The following HSPG2 variants were observed in gnomAD, a reference collection of about 807,000 sequenced individuals.
HSPG2 encodes the protein heparan sulfate proteoglycan 2, also known as basement membrane-specific heparan sulfate proteoglycan core protein.
Under a neutral mutation model 526.6 loss-of-function variants are expected in HSPG2, and 278 were observed. That is an observed-to-expected ratio of 0.53 (90% CI 0.48 to 0.58). HSPG2 has a LOEUF of 0.58. Ranked by LOEUF, HSPG2 falls within the 20% of genes least tolerant of loss-of-function variation. The pLI is 0.00. For synonymous variants in HSPG2, 2,465 were observed against 2,555.4 expected (o/e 0.96, Z 1.07); for missense variants, 5,354 against 6,099.5 (o/e 0.88, Z 4.07).
Position 21,850,471 on chromosome 1 carries a change from G to A in HSPG2, c.7186C>T (p.Gln2396Ter). ...QTHGSLLRLY[Q>*]ASPADSGEYV... ...TCGCCCGAGTCGGCGGGGGACGCTT[G>A]GTAGAGTCTCAGCAGGGAGCCGTGG... Residue 2396 changes from glutamine (Q) to a stop codon, truncating the protein, a stop_gained, in exon 56 of 97, where the codon CAA (glutamine) becomes TAA (stop). Coordinates refer to ENST00000374695, the MANE Select transcript of HSPG2 (RefSeq NM_005529.7). LOFTEE classifies it high-confidence loss of function. The A allele has an allele frequency of 6.2e-7, 1 of 1,612,010 alleles. No homozygotes were observed. Among genetic ancestry groups the A allele is most frequent in the Non-Finnish European group, 8.5e-7 (1 of 1,179,340 alleles).
At chr1:21,908,754 C>T (rs1021691265) in intron 1 of HSPG2, among the ~76,000 whole-genome samples, 2 of 152,128 alleles carry the variant, frequency 1.3e-5, no homozygotes, top group Non-Finnish European at 2.9e-5. Context: ...AGAGCACTGA[C>T]ACTCTAAAAC....
chr1:21,837,136 A>G (rs1405939004), intron 74 of HSPG2, 130 bp from the exon 75 acceptor site: 2 of 838,936 alleles, frequency 2.4e-6, no homozygotes, highest in East Asian at 2.7e-5. Context: ...TGACCAGGGA[A>G]AAAAGACCGT....
At chr1:21,875,603 G>A (rs1640996443) in intron 25 of HSPG2, 26 bp downstream of exon 25, 2 of 1,568,266 alleles carry the variant, frequency 1.3e-6, no homozygotes, top group African/African-American at 2.7e-5. Context: ...AGCCCATGCT[G>A]GTCCTCCTGC....
intron 1 of HSPG2, among the ~76,000 whole-genome samples, chr1:21,918,467 TAA>T (rs36108181): frequency 2.9e-4 from 31 of 108,098 alleles, no homozygotes; most frequent in Admixed American, 3.6e-4. Flanking sequence ...TCTGTGGGAA[TAA>T]AAAAAAAAAA....
rs1643489857 is a variant in HSPG2 at position 21,908,335 on chromosome 1, G to A, written c.64-12025C>T. 5.7e-6 allele frequency: 6 copies of A among 1,046,330 alleles called. No homozygotes were observed. The Admixed American group carries it at 8.5e-5, about 15-fold the overall frequency. The allele number at this position is 1,046,330 out of a possible 1,614,324, so 64.8% of individuals were successfully genotyped here. The stretch of plus-strand genomic sequence containing the variant: ...TGCTAGCATTGTTGTAAACAAACAA[G>A]TTAAGGGCAAGATTCTTGCCAAGAG... On this transcript the variant is annotated intron_variant, in intron 1 of 96. Transcript: ENST00000374695.
chr1:21,885,599 C>A (rs551026448), intron 9 of HSPG2, 148 bp from the exon 10 acceptor site: 12 of 905,602 alleles, frequency 1.3e-5, no homozygotes, highest in Middle Eastern at 3.2e-4. Flanking sequence ...CAACTCACAG[C>A]CAGCATGATG....
intron 2 of HSPG2, 50 bp downstream of exon 2, chr1:21,896,123 GCA>G: frequency 6.2e-7 from 1 of 1,612,374 alleles, no homozygotes; most frequent in Non-Finnish European, 8.5e-7. Context: ...GTGGGAAGAA[GCA>G]CAGTCTCACC....
At chr1:21,908,189 T>C (rs1392630644) in intron 1 of HSPG2, 1 of 852,208 alleles carries the variant, frequency 1.2e-6, no homozygotes, top group African/African-American at 1.6e-5. Flanking sequence ...GCCACGTATA[T>C]GCGAATCTAT....
At chr1:21,851,992 C>G in intron 53 of HSPG2, 66 bp from the exon 54 acceptor site, 2 of 1,609,502 alleles carry the variant, frequency 1.2e-6, no homozygotes, top group Non-Finnish European at 1.7e-6. Flanking sequence ...CCACCGCTGT[C>G]CCCCCGATCT....
Position 21,824,331 on chromosome 1 carries a change from G to A in HSPG2, c.12790C>T (p.Leu4264Phe). Residue 4264 changes from leucine to phenylalanine, a missense_variant, in exon 94 of 97, where the codon CTT (leucine) becomes TTT (phenylalanine). Leu to Phe is a conservative substitution (Grantham distance 22). Coordinates refer to ENST00000374695, the MANE Select transcript of HSPG2 (RefSeq NM_005529.7). The surrounding 1 kb of genome is among the most constrained non-coding windows in gnomAD (Gnocchi z 5.9). The part of the protein sequence containing the change: ...GQGKDFISLG[L>F]QDGHLVFRYQ... ...CTGAAGACAAGGTGCCCGTCTTGAA[G>A]CCCGAGGCTGATGAAGTCCTTGCCT... 1.2e-6 allele frequency: 2 copies of A among 1,613,930 alleles called. No individual in the cohort carries two copies. Among genetic ancestry groups the A allele is most frequent in the Non-Finnish European group, 1.7e-6 (2 of 1,180,030 alleles).
intron 71 of HSPG2, 53 bp from the exon 72 acceptor site, chr1:21,840,070 G>T: frequency 6.7e-7 from 1 of 1,489,998 alleles, no homozygotes; most frequent in Non-Finnish European, 9.4e-7. Flanking sequence ...GGACGCTGAT[G>T]TCAGCCCCAG....
chr1:21,841,597 G>A lies in HSPG2; in HGVS notation c.9270C>T (p.Arg3090=). Residue 3090 remains arginine, a synonymous_variant, in exon 70 of 97, where the codon CGC becomes CGT. Transcript: ENST00000374695. ...GTRPSNHGTY[R]CVASNAYGVA... ...CACCGTAGGCATTGGAGGCCACGCA[G>A]CGGTAGGTACCGTGGTTGCTGGGCC... The A allele has an allele frequency of 6.2e-7, 1 of 1,614,206 alleles. No individual in the cohort carries two copies.
intron 85 of HSPG2, chr1:21,830,394 A>C: frequency 4.7e-5 from 20 of 422,544 alleles, no homozygotes; most frequent in East Asian, 1.9e-4. Context: ...GGGTAATAAG[A>C]TGGGACTGGG....
In HSPG2 at chr1:21,824,410, A is replaced by C. The variant is rs1476035487; in HGVS notation, c.12745-34T>G. The C allele has an allele frequency of 6.2e-7, 1 of 1,611,892 alleles. No individual in the cohort carries two copies. The highest frequency in any genetic ancestry group is 8.5e-7 in the Non-Finnish European group (1 of 1,178,536). Reference sequence around the variant, plus strand: ...GAAGCACAGGGTCTCTGGGGTCCCCAGCCTGGAGAGCAGAGGCTGCCGAGG... The same window carrying C: ...GAAGCACAGGGTCTCTGGGGTCCCCCGCCTGGAGAGCAGAGGCTGCCGAGG... On this transcript the variant is annotated intron_variant, in intron 93 of 96. Transcript: ENST00000374695. The surrounding 1 kb of genome is among the most constrained non-coding windows in gnomAD (Gnocchi z 5.9).
chr1:21,870,795 C>T (rs1308188556), intron 33 of HSPG2: 19 of 985,174 alleles, frequency 1.9e-5, no homozygotes, highest in Non-Finnish European at 2.2e-5. Context: ...CACCACGCCC[C>T]ACCACACCAA....
At chr1:21,896,462 G>A (rs1347633551) in intron 1 of HSPG2, 152 bp from the exon 2 acceptor site, 1 of 946,602 alleles carries the variant, frequency 1.1e-6, no homozygotes, top group Non-Finnish European at 1.7e-6. Context: ...GCCAGGCTGG[G>A]GCTGAACCCT....
At chr1:21,921,119 T>A (rs1569611783) in intron 1 of HSPG2, among the ~76,000 whole-genome samples, 1 of 152,214 alleles carries the variant, frequency 6.6e-6, no homozygotes, top group Admixed American at 6.5e-5. Context: ...AGTGGCTCGC[T>A]GCCATTGCAA....
chr1:21,843,472 G>A (rs1213620098), intron 65 of HSPG2, 34 bp from the exon 66 acceptor site: 2 of 1,594,144 alleles, frequency 1.3e-6, no homozygotes, highest in Non-Finnish European at 1.7e-6. Flanking sequence ...GGGAGGGTGA[G>A]CTGGGAGCCT....
At chr1:21,878,533 C>T (rs370653681) in intron 19 of HSPG2, 42 bp from the exon 20 acceptor site, 9 of 1,613,734 alleles carry the variant, frequency 5.6e-6, no homozygotes, top group Non-Finnish European at 7.6e-6. Flanking sequence ...TCCATGACCC[C>T]ACCCAGGAGC....
Sources: allele counts gnomAD v4.1 joint callset (sites outside exome capture counted in the v4.1 genomes callset), GRCh38; gene constraint gnomAD v4.1.1; non-coding constraint Gnocchi (gnomAD v3.1); transcripts MANE v1.5; gene names NCBI Gene and HGNC (gene_info 2026-07-23, HGNC 2026-07-21).